AR: variants seen among roughly 807,000 people sequenced by gnomAD.
The protein encoded by AR is dihydrotestosterone receptor.
A neutral mutation model predicts 53.9 loss-of-function variants in AR; 8 were observed. That is an observed-to-expected ratio of 0.15 (90% CI 0.09 to 0.27). AR has a LOEUF of 0.27. AR is among the 10% of genes least tolerant of loss of function. The probability of loss-of-function intolerance (pLI) is 1.00; values close to 1 mark genes in which losing one functional copy is unlikely to be tolerated. For synonymous variants in AR, 359 were observed against 316.4 expected (o/e 1.13, Z -1.43); for missense variants, 639 against 742.5 (o/e 0.86, Z 1.62).
Position 67,677,168 on chromosome X carries a change from C to T in AR, c.1769-8842C>T, listed in dbSNP as rs144483644. Among the ~76,000 whole-genome samples the T allele has an allele frequency of 2.6e-3, 286 of 111,225 alleles. 1 individual carries two copies. The highest frequency in any genetic ancestry group is 8.2e-3 in the African/African-American group (252 of 30,605). ...CATTATGAAAGGAAAGAGAGAGAGA[C>T]TTAGGGTTTGCAAAATAAGATACCC... On this transcript the variant is annotated intron_variant, in intron 2 of 7. Transcript: ENST00000374690.
chrX:67,703,120 ATCT>A (rs2076049623), intron 3 of AR, among the ~76,000 whole-genome samples: 1 of 111,945 alleles, frequency 8.9e-6, no homozygotes, highest in Non-Finnish European at 1.9e-5. Flanking sequence ...TCCAGGTTGT[ATCT>A]TTTTTCACAG....
At chrX:67,549,411 A>G (rs1255866584) in intron 1 of AR, among the ~76,000 whole-genome samples, 1 of 111,781 alleles carries the variant, frequency 8.9e-6, no homozygotes, top group Non-Finnish European at 1.9e-5. Flanking sequence ...GTTCTTATAC[A>G]TTTACAGTGT....
intron 1 of AR, among the ~76,000 whole-genome samples, chrX:67,577,208 A>G (rs1569273462): frequency 9.0e-6 from 1 of 110,660 alleles, no homozygotes; most frequent in African/African-American, 3.3e-5. Flanking sequence ...TTTCATGTAA[A>G]CAGAATCATG....
intron 2 of AR, among the ~76,000 whole-genome samples, chrX:67,677,381 A>G (rs922611834): frequency 9.0e-5 from 10 of 111,721 alleles, no homozygotes. Context: ...ATTGAGGTAT[A>G]TTGTAGCCAG....
chrX:67,691,610 C>G (rs1241921613), intron 3 of AR, among the ~76,000 whole-genome samples: 1 of 111,477 alleles, frequency 9.0e-6, no homozygotes, highest in Non-Finnish European at 1.9e-5. Context: ...AATACACTTT[C>G]GAAAACATGG....
intron 3 of AR, among the ~76,000 whole-genome samples, chrX:67,693,626 G>C (rs1489406674): frequency 9.0e-6 from 1 of 111,726 alleles, no homozygotes; most frequent in African/African-American, 3.3e-5. Flanking sequence ...TTGGGATCAC[G>C]TTGTTAAGAA....
At chrX:67,713,806 T>G (rs1414040749) in intron 4 of AR, among the ~76,000 whole-genome samples, 1 of 111,608 alleles carries the variant, frequency 9.0e-6, no homozygotes, top group East Asian at 2.8e-4. Flanking sequence ...CCCCTTACAT[T>G]AACAAATCTG....
chrX:67,609,502 G>T, intron 1 of AR, among the ~76,000 whole-genome samples: 1 of 111,060 alleles, frequency 9.0e-6, no homozygotes, highest in East Asian at 2.8e-4. Flanking sequence ...TAATGATGTG[G>T]TTTCCTTTTT....
At chrX:67,627,828 G>C (rs1924779360) in intron 1 of AR, among the ~76,000 whole-genome samples, 2 of 111,630 alleles carry the variant, frequency 1.8e-5, no homozygotes, top group Non-Finnish European at 3.8e-5. Flanking sequence ...GTGTAAGGAA[G>C]GGATCCAGTT....
At chrX:67,708,869 C>A (rs766957121) in intron 3 of AR, among the ~76,000 whole-genome samples, 38 of 112,338 alleles carry the variant, frequency 3.4e-4, no homozygotes, top group Non-Finnish European at 4.5e-4. Context: ...AGTCAGGACC[C>A]TCAGCTGCAG....
chrX:67,590,843 C>T (rs968782659), intron 1 of AR, among the ~76,000 whole-genome samples: 5 of 112,003 alleles, frequency 4.5e-5, no homozygotes, highest in African/African-American at 1.6e-4. Context: ...AGATAGTGCT[C>T]CTGTATTAAG....
intron 1 of AR, among the ~76,000 whole-genome samples, chrX:67,636,952 C>G (rs190990257): frequency 5.6e-4 from 62 of 111,625 alleles, no homozygotes; most frequent in African/African-American, 1.7e-3. Context: ...GTTCAAGGTG[C>G]ACTTTATTAA....
chrX:67,626,999 A>G (rs1178454344), intron 1 of AR, among the ~76,000 whole-genome samples: 1 of 105,684 alleles, frequency 9.5e-6, no homozygotes, highest in Non-Finnish European at 1.9e-5. Flanking sequence ...CATGGTGTAT[A>G]TGTGCCACAT....
intron 3 of AR, among the ~76,000 whole-genome samples, chrX:67,702,617 T>G (rs2076047445): frequency 8.9e-6 from 1 of 111,886 alleles, no homozygotes; most frequent in Admixed American, 9.5e-5. Flanking sequence ...CAGGCTTCCT[T>G]GTTATTTTCC....
chrX:67,692,726 C>T (rs768477330), intron 3 of AR, among the ~76,000 whole-genome samples: 1 of 111,977 alleles, frequency 8.9e-6, no homozygotes, highest in South Asian at 3.7e-4. Flanking sequence ...CAATCAATGT[C>T]ACCGTACCCT....
rs2076161546 is a variant in AR at position 67,727,261 on chromosome X, A to ATATCT, written c.*3422_*3426dup. The ATATCT allele has an allele frequency of 1.8e-5, 3 of 167,130 alleles. No individual in the cohort carries two copies. The East Asian group carries it at 2.6e-4, about 15-fold the overall frequency. 13.8% of individuals were successfully genotyped at this position (167,130 alleles called of 1,213,427 possible). ...AAGGGATATTTTGAAGGACTGTCAT[A>ATATCT]TATCTTTGAAAAAAGAAAATCTGTA... On this transcript the variant is annotated 3_prime_UTR_variant, in exon 8 of 8. Coordinates refer to ENST00000374690, the MANE Select transcript of AR (RefSeq NM_000044.6).
chrX:67,695,397 A>G (rs768988604), intron 3 of AR: 131 of 751,244 alleles, frequency 1.7e-4, no homozygotes, highest in Non-Finnish European at 2.0e-4. Flanking sequence ...CTCTCTTCAA[A>G]CACACTGAGA....
chrX:67,698,233 A>G (rs1235203652), intron 3 of AR, among the ~76,000 whole-genome samples: 1 of 112,259 alleles, frequency 8.9e-6, no homozygotes, highest in South Asian at 3.7e-4. Context: ...CTCACAATCC[A>G]GTATTCCTCT....
chrX:67,570,674 C>A (rs1294381305), intron 1 of AR, among the ~76,000 whole-genome samples: 2 of 110,484 alleles, frequency 1.8e-5, no homozygotes, highest in Non-Finnish European at 3.8e-5. Context: ...AGTCTTATTT[C>A]TGATAAGACA....
Sources: gnomAD v4.1 joint callset for allele counts (sites outside exome capture counted in the v4.1 genomes callset) on GRCh38, gnomAD v4.1.1 for gene constraint, MANE v1.5 for transcripts, NCBI Gene and HGNC (gene_info 2026-07-23, HGNC 2026-07-21) for gene names.